STRIP2: variants seen among roughly 807,000 people sequenced by gnomAD.
The protein encoded by STRIP2 is striatin-interacting protein 2.
STRIP2 carries 84 observed loss-of-function variants against 107.1 expected under a neutral mutation model. That is an observed-to-expected ratio of 0.78 (90% confidence interval 0.66 to 0.94). STRIP2 has a LOEUF of 0.94. Ranked by LOEUF, STRIP2 falls within the 40% of genes least tolerant of loss-of-function variation. The pLI is 0.00. For missense variants in STRIP2, 888 were observed against 1,034.2 expected (o/e 0.86, Z 1.94); for synonymous variants, 394 against 400.4 (o/e 0.98, Z 0.19).
intron 1 of STRIP2, among the ~76,000 whole-genome samples, chr7:129,435,822 C>T (rs1797722491): frequency 6.6e-6 from 1 of 152,124 alleles, no homozygotes. Flanking sequence ...TACTAGAAAC[C>T]AGGTTTTTGG....
chr7:129,460,214 C>T, intron 12 of STRIP2, 87 bp from the exon 13 acceptor site: 1 of 1,204,632 alleles, frequency 8.3e-7, no homozygotes, highest in South Asian at 1.5e-5. Context: ...CAGAACATTT[C>T]CTTGCTTTTG....
intron 4 of STRIP2, among the ~76,000 whole-genome samples, chr7:129,452,203 C>T (rs371506534): frequency 6.6e-6 from 1 of 152,034 alleles, no homozygotes; most frequent in Non-Finnish European, 1.5e-5. Context: ...AACATAACTG[C>T]GGGAGTGGAT....
At position 129,454,568 on chromosome 7, in the gene STRIP2, A is replaced by G. The variant is rs113645765; in HGVS notation, c.706+41A>G. On this transcript the variant is annotated intron_variant, in intron 7 of 20. Transcript: ENST00000249344. ...TGAGGAAGGTGTGGATGGGGTGCTA[A>G]TGGGAGAGGGGAAGCAGAGCATCTG... 1.4e-3 allele frequency: 1,747 copies of G among 1,293,496 alleles called. 16 individuals are homozygous for G. In the African/African-American group the frequency reaches 0.023, roughly 17 times the overall value. 80.1% of individuals were successfully genotyped at this position (1,293,496 alleles called of 1,614,324 possible). A position where few individuals can be genotyped will look rare whatever the true frequency, so the allele number is the denominator to read the frequency against.
In STRIP2 at chr7:129,464,593, C is replaced by A. The variant is rs1357606479; in HGVS notation, c.1650-19C>A. 2 of 1,613,760 alleles carry A rather than the reference C, an allele frequency of 1.2e-6. No individual in the cohort carries two copies. Among genetic ancestry groups the A allele is most frequent in the African/African-American group, 1.3e-5 (1 of 74,996 alleles). Reference sequence around the variant, plus strand: ...TTTAAGGCCACTCTCTGCACTAATACCTTCTCTCCCCATTGTAGCATCACT... The same window carrying A: ...TTTAAGGCCACTCTCTGCACTAATAACTTCTCTCCCCATTGTAGCATCACT... On this transcript the variant is annotated intron_variant, in intron 15 of 20. Coordinates refer to ENST00000249344, the MANE Select transcript of STRIP2 (RefSeq NM_020704.3).
chr7:129,468,602 G>A (rs1798725284), intron 17 of STRIP2, among the ~76,000 whole-genome samples: 1 of 152,182 alleles, frequency 6.6e-6, no homozygotes, highest in Non-Finnish European at 1.5e-5. Flanking sequence ...ACAATACGGA[G>A]ACCTGTGCAC....
chr7:129,470,538 G>A (rs1798765391), intron 17 of STRIP2, 111 bp from the exon 18 acceptor site: 2 of 857,726 alleles, frequency 2.3e-6, no homozygotes, highest in South Asian at 1.5e-5. Flanking sequence ...TAAGCAATTT[G>A]GGAAATGGAT....
At chr7:129,454,567 A>G in intron 7 of STRIP2, 40 bp downstream of exon 7, 1 of 1,311,320 alleles carries the variant, frequency 7.6e-7, no homozygotes, top group Non-Finnish European at 1.1e-6. Flanking sequence ...ATGGGGTGCT[A>G]ATGGGAGAGG....
chr7:129,482,034 C>T (rs891703620), intron 19 of STRIP2, among the ~76,000 whole-genome samples: 1 of 152,006 alleles, frequency 6.6e-6, no homozygotes, highest in Non-Finnish European at 1.5e-5. Flanking sequence ...GTGGCGGGCG[C>T]CTCTACTCAG....
rs1584979682 is a variant in STRIP2 at position 129,487,356 on chromosome 7, A to G, written c.*1527A>G. ...CTATACATGTTGCCCCTCTCCCCCA[A>G]CTTAGGCACTACTGAATTTTTTATG... On this transcript the variant is annotated 3_prime_UTR_variant, in exon 21 of 21. Coordinates refer to ENST00000249344, the MANE Select transcript of STRIP2 (RefSeq NM_020704.3). The G allele has an allele frequency of 6.6e-6, 1 of 151,866 alleles. No individual in the cohort carries two copies. The highest frequency in any genetic ancestry group is 1.5e-5 in the Non-Finnish European group (1 of 67,960). The allele number at this position is 151,866 out of a possible 1,614,324, so 9.4% of individuals were successfully genotyped here. A position where few individuals can be genotyped will look rare whatever the true frequency, so the allele number is the denominator to read the frequency against.
chr7:129,464,680 G>A lies in STRIP2; in HGVS notation c.1718G>A (p.Ser573Asn). 7.4e-6 allele frequency: 12 copies of A among 1,614,040 alleles called. No homozygotes were observed. The highest frequency in any genetic ancestry group is 1.0e-5 in the Non-Finnish European group (12 of 1,179,948). Residue 573 changes from serine to asparagine, a missense_variant, in exon 16 of 21, where the codon AGT (serine) becomes AAT (asparagine). Physicochemically the swap from Ser to Asn is conservative, Grantham distance 46 (BLOSUM62 1). Coordinates refer to ENST00000249344, the MANE Select transcript of STRIP2 (RefSeq NM_020704.3). ...VNRHKEIIVKSISTLLLLLLK... is the reference protein window; with the variant it reads ...VNRHKEIIVKNISTLLLLLLK... ...AGGCACAAGGAGATTATTGTAAAGA[G>A]TATCTCTACCCTGCTTCTGCTACTC...
At chr7:129,482,166 A>G (rs948179938) in intron 19 of STRIP2, among the ~76,000 whole-genome samples, 20 of 151,986 alleles carry the variant, frequency 1.3e-4, no homozygotes, top group African/African-American at 4.8e-4. Context: ...ACAAAACAAA[A>G]CAAAAAAATA....
intron 3 of STRIP2, among the ~76,000 whole-genome samples, chr7:129,447,346 A>G (rs986986732): frequency 2.0e-5 from 3 of 152,210 alleles, no homozygotes; most frequent in African/African-American, 7.2e-5. Flanking sequence ...CTTATCCTTC[A>G]CCTAAGAAGG....
At chr7:129,471,806 G>A (rs1405103790) in intron 18 of STRIP2, among the ~76,000 whole-genome samples, 1 of 152,114 alleles carries the variant, frequency 6.6e-6, no homozygotes, top group Non-Finnish European at 1.5e-5. Flanking sequence ...CCCATGTCCT[G>A]AGACACCAAC....
chr7:129,467,557 T>A, intron 17 of STRIP2, 107 bp downstream of exon 17: 2 of 649,964 alleles, frequency 3.1e-6, no homozygotes, highest in South Asian at 2.3e-5. Context: ...GTCCCTCCTG[T>A]CTTAGAGCTG....
At position 129,451,844 on chromosome 7, in the gene STRIP2, A is replaced by C. The variant is rs1789528663; in HGVS notation, c.409+97A>C. 8.1e-6 allele frequency: 12 copies of C among 1,473,530 alleles called. No homozygotes were observed. In the South Asian group the frequency reaches 1.5e-4, roughly 19 times the overall value. The allele number at this position is 1,473,530 out of a possible 1,614,324, so 91.3% of individuals were successfully genotyped here. ...ATGACGCAGGCTGTGCTGGGAAAGC[A>C]AGGTTTCTTGCCTCTCAAGGACAGA... On this transcript the variant is annotated intron_variant, in intron 4 of 20. Transcript: ENST00000249344.
Position 129,483,241 on chromosome 7 carries a change from TA to T in STRIP2, c.2254+198del. The T allele has an allele frequency of 2.3e-6, 3 of 1,279,856 alleles. No individual in the cohort carries two copies. Among genetic ancestry groups the T allele is most frequent in the Non-Finnish European group, 3.0e-6 (3 of 1,013,034 alleles). 79.3% of individuals were successfully genotyped at this position (1,279,856 alleles called of 1,614,324 possible). A position where few individuals can be genotyped will look rare whatever the true frequency, so the allele number is the denominator to read the frequency against. On this transcript the variant is annotated intron_variant, in intron 20 of 20. Transcript: ENST00000249344. The surrounding 1 kb of genome is among the most constrained non-coding windows in gnomAD (Gnocchi z 5.1). ...TTCTAGTATGTACCCTTGTCCTATG[TA>T]AACTATGAAAATCCGTTTTATAAAA...
Position 129,451,646 on chromosome 7 carries a change from A to G in STRIP2, c.308A>G (p.Asp103Gly), listed in dbSNP as rs1352226958. 1.2e-6 allele frequency: 2 copies of G among 1,614,058 alleles called. No homozygotes were observed. The highest frequency in any genetic ancestry group is 2.7e-5 in the African/African-American group (2 of 74,914). Residue 103 changes from aspartate (D) to glycine (G), a missense_variant, in exon 4 of 21, where the codon GAT becomes GGT. Coordinates refer to ENST00000249344, the MANE Select transcript of STRIP2 (RefSeq NM_020704.3). The part of the protein sequence containing the change: ...QGKEWLELEE[D>G]AQKAYIMGLL... ...AAGGAATGGCTGGAGTTGGAAGAAG[A>G]TGCCCAAAAGGCCTATATAATGGGA...
chr7:129,485,674 G>A lies in STRIP2; in HGVS notation c.2350G>A (p.Asp784Asn). Reference sequence around the variant, plus strand: ...CAGCCGTCGCTATGACAGACCCCAGGACTCTGAGTTTTCACCTGTGGATAA... The same window carrying A: ...CAGCCGTCGCTATGACAGACCCCAGAACTCTGAGTTTTCACCTGTGGATAA... ...FNSRRYDRPQ[D>N]SEFSPVDNCL... is the part of the protein sequence containing the mutation. Residue 784 changes from aspartate (D) to asparagine (N), a missense_variant, in exon 21 of 21, where the codon GAC becomes AAC. By Grantham distance (23) the Asp-to-Asn change is conservative. Coordinates refer to ENST00000249344, the MANE Select transcript of STRIP2 (RefSeq NM_020704.3). 1.2e-6 allele frequency: 2 copies of A among 1,614,052 alleles called. No homozygotes were observed. The highest frequency in any genetic ancestry group is 1.7e-6 in the Non-Finnish European group (2 of 1,180,030).
chr7:129,453,181 G>C, intron 4 of STRIP2, 46 bp from the exon 5 acceptor site: 1 of 1,611,206 alleles, frequency 6.2e-7, no homozygotes, highest in Non-Finnish European at 8.5e-7. Context: ...AAAGAACTGG[G>C]ATACTGCCAC....
Sources: gnomAD v4.1 joint callset for allele counts (sites outside exome capture counted in the v4.1 genomes callset) on GRCh38, gnomAD v4.1.1 for gene constraint, Gnocchi (gnomAD v3.1) non-coding constraint, MANE v1.5 for transcripts, NCBI Gene and HGNC (gene_info 2026-07-23, HGNC 2026-07-21) for gene names.